TAX1BP1: variants seen among roughly 807,000 people sequenced by gnomAD.
TAX1BP1 encodes Tax1 binding protein 1.
In TAX1BP1, 62 loss-of-function variants were observed where a neutral mutation model predicts 97.7. The observed-to-expected ratio is 0.63, with a 90% CI of 0.52 to 0.78. TAX1BP1 has a LOEUF of 0.78. Among genes scored for constraint, TAX1BP1 ranks in the 30% least tolerant of loss-of-function variants. TAX1BP1 has a pLI of 0.00. For missense variants in TAX1BP1, 867 were observed against 916.1 expected (o/e 0.95, Z 0.69); for synonymous variants, 340 against 304.2 (o/e 1.12, Z -1.23).
intron 1 of TAX1BP1, among the ~76,000 whole-genome samples, chr7:27,744,274 T>C (rs941125533): frequency 6.6e-6 from 1 of 152,180 alleles, no homozygotes; most frequent in African/African-American, 2.4e-5. Flanking sequence ...TACAGGCGCC[T>C]GCCACCTCGC....
At chr7:27,761,952 A>T (rs1339477366) in intron 3 of TAX1BP1, among the ~76,000 whole-genome samples, 1 of 152,196 alleles carries the variant, frequency 6.6e-6, no homozygotes, top group Non-Finnish European at 1.5e-5. Context: ...GCAATGAATG[A>T]TGAGAGTTCC....
intron 3 of TAX1BP1, among the ~76,000 whole-genome samples, chr7:27,763,639 G>A (rs956009235): frequency 6.6e-6 from 1 of 152,118 alleles, no homozygotes; most frequent in African/African-American, 2.4e-5. Flanking sequence ...GTGATGGCGT[G>A]TGCCTGTAAT....
chr7:27,818,472 G>GT, intron 15 of TAX1BP1, among the ~76,000 whole-genome samples: 1 of 152,228 alleles, frequency 6.6e-6, no homozygotes. Context: ...GCAAATTTGA[G>GT]TTGACCTGTT....
intron 5 of TAX1BP1, among the ~76,000 whole-genome samples, chr7:27,783,907 G>C (rs1012580388): frequency 6.6e-6 from 1 of 151,958 alleles, no homozygotes; most frequent in African/African-American, 2.4e-5. Context: ...TTTTTCTCTG[G>C]TATTATGGCA....
Position 27,827,756 on chromosome 7 carries a change from A to G in TAX1BP1, c.2104A>G (p.Thr702Ala), listed in dbSNP as rs202210451. The change falls in exon 16 of 17, where the codon ACT (threonine) becomes GCT (alanine). Residue 702 changes from threonine (T) to alanine (A), a missense_variant. Around this residue, in one of 3 missense-constraint regions of TAX1BP1, gnomAD observed 822 missense variants for 851.4 expected, o/e 0.97. Coordinates refer to ENST00000396319, the MANE Select transcript of TAX1BP1 (RefSeq NM_006024.7). ...EDSKEDENVP[T>A]APDPPSQHLR... is the part of the protein sequence containing the mutation. ...CCCCTAGGAAGATGAGAATGTGCCT[A>G]CTGCTCCTGATCCTCCAAGTCAACA... 208 of 1,613,830 alleles carry G rather than the reference A, an allele frequency of 1.3e-4. 2 individuals are homozygous for G. In the Middle Eastern group the frequency reaches 7.1e-3, roughly 55 times the overall value.
At chr7:27,804,191 T>G (rs1790249223) in intron 13 of TAX1BP1, among the ~76,000 whole-genome samples, 1 of 150,730 alleles carries the variant, frequency 6.6e-6, no homozygotes, top group Non-Finnish European at 1.5e-5. Context: ...ATTTAGAAGA[T>G]CCACATAACT....
chr7:27,789,199 T>C (rs757002864), intron 8 of TAX1BP1, among the ~76,000 whole-genome samples: 1 of 152,098 alleles, frequency 6.6e-6, no homozygotes, highest in Non-Finnish European at 1.5e-5. Context: ...AGAAACGCCA[T>C]GTTCAAAAGT....
At chr7:27,826,439 T>C (rs1035289247) in intron 15 of TAX1BP1, among the ~76,000 whole-genome samples, 3 of 152,194 alleles carry the variant, frequency 2.0e-5, no homozygotes, top group African/African-American at 7.2e-5. Context: ...TATATACTTT[T>C]TTTGGTGCTC....
intron 2 of TAX1BP1, among the ~76,000 whole-genome samples, chr7:27,749,806 T>A (rs766465028): frequency 6.6e-6 from 1 of 152,146 alleles, no homozygotes; most frequent in African/African-American, 2.4e-5. Flanking sequence ...TATTTCTTAT[T>A]TTTTGAGACA....
intron 15 of TAX1BP1, among the ~76,000 whole-genome samples, chr7:27,825,366 C>T (rs1025694287): frequency 1.3e-5 from 2 of 151,740 alleles, no homozygotes; most frequent in South Asian, 4.2e-4. Flanking sequence ...AATGTATTCT[C>T]GAGTGAAGAT....
At chr7:27,770,442 T>G (rs1788802027) in intron 5 of TAX1BP1, among the ~76,000 whole-genome samples, 1 of 152,068 alleles carries the variant, frequency 6.6e-6, no homozygotes, top group Non-Finnish European at 1.5e-5. Flanking sequence ...ATTGACTTGT[T>G]TATTTAATAT....
At chr7:27,767,740 G>T (rs910982645) in intron 4 of TAX1BP1, among the ~76,000 whole-genome samples, 1 of 151,932 alleles carries the variant, frequency 6.6e-6, no homozygotes, top group East Asian at 1.9e-4. Context: ...CATTTATCTT[G>T]TACTTTTTCT....
chr7:27,775,617 ATTT>A (rs1789002594), intron 5 of TAX1BP1, among the ~76,000 whole-genome samples: 1 of 152,168 alleles, frequency 6.6e-6, no homozygotes, highest in Non-Finnish European at 1.5e-5. Flanking sequence ...AGCAGCAGCC[ATTT>A]TTGTAGCTTA....
chr7:27,740,587 G>T (rs998453680), intron 1 of TAX1BP1, among the ~76,000 whole-genome samples: 3 of 152,154 alleles, frequency 2.0e-5, no homozygotes, highest in African/African-American at 7.2e-5. Flanking sequence ...GGGCCCTTTG[G>T]CTGGGGACGA....
At chr7:27,769,646 A>G (rs751502429) in intron 4 of TAX1BP1, 30 bp from the exon 5 acceptor site, 22 of 1,548,252 alleles carry the variant, frequency 1.4e-5, no homozygotes, top group Middle Eastern at 2.2e-4. Context: ...TAAGCAAAAA[A>G]CTAATTAATC....
At chr7:27,814,759 G>A (rs113849926) in intron 13 of TAX1BP1, among the ~76,000 whole-genome samples, 1 of 150,190 alleles carries the variant, frequency 6.7e-6, no homozygotes, top group African/African-American at 2.4e-5. Context: ...TTTTTGAGAC[G>A]GAGTCTCATT....
chr7:27,802,351 C>A (rs73295596), intron 13 of TAX1BP1, among the ~76,000 whole-genome samples: 3 of 152,290 alleles, frequency 2.0e-5, no homozygotes, highest in Admixed American at 2.0e-4. Flanking sequence ...AAGACCACCT[C>A]CTTTTGGGTA....
chr7:27,817,163 G>T (rs1369640894), intron 15 of TAX1BP1, 125 bp downstream of exon 15: 10 of 1,196,962 alleles, frequency 8.4e-6, no homozygotes, highest in Non-Finnish European at 1.1e-5. Context: ...AGGAGAGTGT[G>T]TGCTTGTGCC....
chr7:27,798,654 ACT>A (rs1406505943), intron 12 of TAX1BP1, among the ~76,000 whole-genome samples: 4 of 135,608 alleles, frequency 2.9e-5, no homozygotes, highest in Non-Finnish European at 1.5e-5. Flanking sequence ...ACAGAGTGAG[ACT>A]CTGTCTCAAA....
Sources: gnomAD v4.1 joint callset for allele counts (sites outside exome capture counted in the v4.1 genomes callset) on GRCh38, gnomAD v4.1.1 for gene constraint, gnomAD v4.1.1 regional missense constraint, MANE v1.5 for transcripts, NCBI Gene and HGNC (gene_info 2026-07-23, HGNC 2026-07-21) for gene names.